The following KIF26B variants were observed in gnomAD, a reference collection of about 807,000 sequenced individuals.
KIF26B encodes the protein kinesin-like protein KIF26B.
In KIF26B, 63 loss-of-function variants were observed where a neutral mutation model predicts 151.2. The observed-to-expected ratio is 0.42, with a 90% CI of 0.34 to 0.51. The LOEUF (loss-of-function observed/expected upper bound fraction) is 0.51, where lower values mean the gene tolerates loss of function less well. Ranked by LOEUF, KIF26B falls within the 20% of genes least tolerant of loss-of-function variation. The probability of loss-of-function intolerance (pLI) is 0.07; values close to 1 mark genes in which losing one functional copy is unlikely to be tolerated. For synonymous variants in KIF26B, 1,357 were observed against 1,262.1 expected, an observed-to-expected ratio of 1.08 and a Z score of -1.59; for missense variants, 2,813 against 2,913.6, an observed-to-expected ratio of 0.97 and a Z score of 0.79.
intron 4 of KIF26B, among the ~76,000 whole-genome samples, chr1:245,444,879 G>A (rs1003769639): frequency 9.2e-5 from 14 of 152,052 alleles, no homozygotes; most frequent in African/African-American, 3.1e-4. Context: ...GTCTTTCTTC[G>A]AAACCAATAG....
intron 2 of KIF26B, among the ~76,000 whole-genome samples, chr1:245,217,197 C>T (rs1669664924): frequency 6.6e-6 from 1 of 152,142 alleles, no homozygotes; most frequent in Admixed American, 6.5e-5. Flanking sequence ...ATGGTTAAAA[C>T]AACAACAATG....
At chr1:245,174,280 A>G (rs967794931) in intron 2 of KIF26B, among the ~76,000 whole-genome samples, 15 of 152,244 alleles carry the variant, frequency 9.9e-5, no homozygotes, top group African/African-American at 3.6e-4. Context: ...TGCGTTCTTC[A>G]GGCCACACTG....
chr1:245,405,606 T>C (rs1674116340), intron 3 of KIF26B, among the ~76,000 whole-genome samples: 2 of 149,366 alleles, frequency 1.3e-5, no homozygotes, highest in South Asian at 4.2e-4. Flanking sequence ...TTCAGAGTTC[T>C]GCTGTCCTAT....
chr1:245,697,078 T>C (rs1394662863), intron 12 of KIF26B, among the ~76,000 whole-genome samples: 1 of 152,138 alleles, frequency 6.6e-6, no homozygotes, highest in African/African-American at 2.4e-5. Context: ...ACCACTGCAC[T>C]CCAGCCTGGG....
At chr1:245,509,054 G>A (rs2027305) in intron 4 of KIF26B, among the ~76,000 whole-genome samples, 10,561 of 152,220 alleles carry the variant, frequency 0.069, 735 homozygotes, top group East Asian at 0.37. Context: ...TAGAGCAAAC[G>A]TCTATATACC....
chr1:245,540,738 T>C lies in KIF26B; in HGVS notation c.1167-29T>C, dbSNP rs1558206199. 2 of 1,586,230 alleles carry C rather than the reference T, an allele frequency of 1.3e-6. No homozygotes were observed. Among genetic ancestry groups the C allele is most frequent in the Non-Finnish European group, 8.7e-7 (1 of 1,154,654 alleles). On this transcript the variant is annotated intron_variant, in intron 4 of 14. Transcript: ENST00000407071. The surrounding 1 kb of genome is among the most constrained non-coding windows in gnomAD (Gnocchi z 4.6). The stretch of plus-strand genomic sequence containing the variant: ...AGCAGATCTGATCGTACAATCATTT[T>C]CCCCTTATTGTTCCTTTTTCCACTC...
intron 2 of KIF26B, among the ~76,000 whole-genome samples, chr1:245,322,052 T>A (rs569843031): frequency 1.3e-3 from 191 of 152,262 alleles, no homozygotes; most frequent in African/African-American, 4.4e-3. Flanking sequence ...TAGAAAAGAA[T>A]GAGTTCATGT....
chr1:245,534,847 A>G (rs1045770262), intron 4 of KIF26B, among the ~76,000 whole-genome samples: 5 of 150,572 alleles, frequency 3.3e-5, no homozygotes, highest in Middle Eastern at 3.4e-3. Context: ...CAGCAGCACG[A>G]TCTCGGCTCA....
intron 5 of KIF26B, among the ~76,000 whole-genome samples, chr1:245,568,928 C>T (rs1435086467): frequency 6.6e-6 from 1 of 152,134 alleles, no homozygotes; most frequent in Non-Finnish European, 1.5e-5. Flanking sequence ...GAGATTAAAT[C>T]CTGTGAATTT....
At chr1:245,331,958 T>C (rs1403796528) in intron 2 of KIF26B, among the ~76,000 whole-genome samples, 1 of 152,018 alleles carries the variant, frequency 6.6e-6, no homozygotes, top group African/African-American at 2.4e-5. Flanking sequence ...AAACCCCATC[T>C]CTACTATAAA....
At chr1:245,608,778 A>T (rs1376298721) in intron 7 of KIF26B, among the ~76,000 whole-genome samples, 1 of 151,264 alleles carries the variant, frequency 6.6e-6, no homozygotes, top group Non-Finnish European at 1.5e-5. Context: ...TTTTTAAGAG[A>T]TGGCTCTCAG....
chr1:245,445,751 A>G (rs1012522765), intron 4 of KIF26B, among the ~76,000 whole-genome samples: 4 of 152,170 alleles, frequency 2.6e-5, no homozygotes, highest in Non-Finnish European at 5.9e-5. Flanking sequence ...CCCCTGCCAC[A>G]GGGCTGGTGA....
intron 2 of KIF26B, among the ~76,000 whole-genome samples, chr1:245,184,069 T>TTTTTTTTTTTTTTTTTTA (rs1668959959): frequency 7.5e-6 from 1 of 133,810 alleles, no homozygotes; most frequent in East Asian, 2.1e-4. Context: ...TTTTTTTTTT[T>TTTTTTTTTTTTTTTTTTA]GAGCTTTCTT....
At chr1:245,198,543 A>G (rs1001558766) in intron 2 of KIF26B, among the ~76,000 whole-genome samples, 3 of 152,110 alleles carry the variant, frequency 2.0e-5, no homozygotes, top group African/African-American at 7.2e-5. Flanking sequence ...CCAACATGGC[A>G]AAACCCCGTC....
intron 3 of KIF26B, among the ~76,000 whole-genome samples, chr1:245,391,114 A>C (rs1288911686): frequency 6.6e-6 from 1 of 152,140 alleles, no homozygotes; most frequent in Non-Finnish European, 1.5e-5. Flanking sequence ...GGAATGGGTC[A>C]ACGTCTGGAA....
intron 2 of KIF26B, among the ~76,000 whole-genome samples, chr1:245,291,501 G>A (rs1671252219): frequency 6.6e-6 from 1 of 152,098 alleles, no homozygotes; most frequent in Non-Finnish European, 1.5e-5. Flanking sequence ...AAGCATGCAG[G>A]CCTTGTGTGG....
intron 5 of KIF26B, among the ~76,000 whole-genome samples, chr1:245,550,334 T>C (rs1661849116): frequency 6.6e-6 from 1 of 152,254 alleles, no homozygotes; most frequent in Admixed American, 6.5e-5. Flanking sequence ...TGTTTTCCAA[T>C]GCTAGCTTCT....
rs185365684 is a variant in KIF26B, at chr1:245,187,830, G to T, written c.465+31147G>T. On this transcript the variant is annotated intron_variant, in intron 2 of 14. Transcript: ENST00000407071. ...ACATGATAGGGAAAGTTGGTTAAGGGCCTTGAAGAACAGGCAAAGGATGTG... is the reference window on the plus strand; with the variant it reads ...ACATGATAGGGAAAGTTGGTTAAGGTCCTTGAAGAACAGGCAAAGGATGTG... Among the ~76,000 whole-genome samples the T allele has an allele frequency of 2.0e-5, 3 of 152,276 alleles. No homozygotes were observed. In the East Asian group the frequency reaches 5.8e-4, roughly 29 times the overall value.
intron 10 of KIF26B, 33 bp downstream of exon 10, chr1:245,646,313 G>A: frequency 6.2e-7 from 1 of 1,607,804 alleles, no homozygotes; most frequent in South Asian, 1.1e-5. Flanking sequence ...GAATGTGGTG[G>A]GGTAAGCATG....
Sources: gnomAD v4.1 joint callset for allele counts (sites outside exome capture counted in the v4.1 genomes callset) on GRCh38, gnomAD v4.1.1 for gene constraint, Gnocchi (gnomAD v3.1) non-coding constraint, MANE v1.5 for transcripts, NCBI Gene and HGNC (gene_info 2026-07-23, HGNC 2026-07-21) for gene names.